The following SEC14L1 variants were observed in gnomAD, a reference collection of about 807,000 sequenced individuals.
SEC14L1 encodes the protein SEC14-like protein 1.
In SEC14L1, 48 loss-of-function variants were observed where a neutral mutation model predicts 85.3. The observed-to-expected ratio is 0.56, with a 90% CI of 0.45 to 0.72. The LOEUF is 0.72. Ranked by LOEUF, SEC14L1 falls within the 30% of genes least tolerant of loss-of-function variation. The pLI is 0.00. For synonymous variants in SEC14L1, 391 were observed against 355.5 expected (o/e 1.10, Z -1.12); for missense variants, 682 against 921.4 (o/e 0.74, Z 3.36).
intron 3 of SEC14L1, among the ~76,000 whole-genome samples, chr17:77,115,048 G>T (rs556485762): frequency 3.3e-5 from 5 of 152,224 alleles, no homozygotes; most frequent in African/African-American, 1.2e-4. Flanking sequence ...CTCTGACCAT[G>T]TACCAGTCAC....
chr17:77,173,897 C>CT (rs1164478049), intron 3 of SEC14L1, among the ~76,000 whole-genome samples: 1 of 150,230 alleles, frequency 6.7e-6, no homozygotes, highest in Non-Finnish European at 1.5e-5. Flanking sequence ...TGCACCCTTT[C>CT]TTTTTTTCTT....
chr17:77,141,701 C>G (rs538204997), intron 1 of SEC14L1: 1 of 152,306 alleles, frequency 6.6e-6, no homozygotes, highest in Admixed American at 6.5e-5. Flanking sequence ...TTCACAAGCT[C>G]GTGAATTAGC....
At chr17:77,195,623 G>T (rs947305994) in intron 7 of SEC14L1, among the ~76,000 whole-genome samples, 3 of 152,120 alleles carry the variant, frequency 2.0e-5, no homozygotes, top group African/African-American at 7.2e-5. Flanking sequence ...GAGTAGCTGG[G>T]ATTATAAGCC....
chr17:77,153,875 G>C (rs1257449853), intron 3 of SEC14L1, among the ~76,000 whole-genome samples: 1 of 152,124 alleles, frequency 6.6e-6, no homozygotes, highest in African/African-American at 2.4e-5. Flanking sequence ...TTTTTGACCT[G>C]TACGCTAGTG....
intron 9 of SEC14L1, among the ~76,000 whole-genome samples, chr17:77,203,052 T>A (rs1447577818): frequency 6.6e-6 from 1 of 152,214 alleles, no homozygotes. Context: ...GGAAGCTGGC[T>A]TTTAAAAAGC....
At chr17:77,159,368 C>G (rs1448527753) in intron 3 of SEC14L1, among the ~76,000 whole-genome samples, 1 of 144,204 alleles carries the variant, frequency 6.9e-6, no homozygotes, top group Non-Finnish European at 1.5e-5. Context: ...CACCCGGCCT[C>G]TTTTCTTCTT....
chr17:77,111,495 C>T (rs1473339259), intron 3 of SEC14L1, among the ~76,000 whole-genome samples: 1 of 151,710 alleles, frequency 6.6e-6, no homozygotes, highest in Admixed American at 6.6e-5. Flanking sequence ...TGCAAGCAGC[C>T]GGCAGCCGGG....
intron 3 of SEC14L1, among the ~76,000 whole-genome samples, chr17:77,175,671 A>G (rs1309231536): frequency 1.3e-5 from 2 of 152,194 alleles, no homozygotes; most frequent in Non-Finnish European, 2.9e-5. Flanking sequence ...AACTCATTCT[A>G]TAAAACAAAG....
intron 3 of SEC14L1, among the ~76,000 whole-genome samples, chr17:77,156,574 T>TAAAAAA (rs574920988): frequency 7.3e-6 from 1 of 136,580 alleles, no homozygotes. Context: ...GACTCCGTCT[T>TAAAAAA]AAAAAAAAAA....
intron 3 of SEC14L1, among the ~76,000 whole-genome samples, chr17:77,099,523 A>C (rs991081822): frequency 6.6e-6 from 1 of 152,228 alleles, no homozygotes; most frequent in Non-Finnish European, 1.5e-5. Context: ...TGGGAGGCCA[A>C]GGCGGGTGGA....
chr17:77,168,004 C>CTG (rs1337371220), intron 3 of SEC14L1, among the ~76,000 whole-genome samples: 1 of 152,232 alleles, frequency 6.6e-6, no homozygotes, highest in African/African-American at 2.4e-5. Flanking sequence ...TGTCCTTCCC[C>CTG]TGTTGGCTAG....
chr17:77,147,052 T>C (rs1230268556), intron 3 of SEC14L1, among the ~76,000 whole-genome samples: 1 of 152,138 alleles, frequency 6.6e-6, no homozygotes, highest in Non-Finnish European at 1.5e-5. Context: ...TGTGAGCACG[T>C]CAGAAAGCGA....
chr17:77,125,902 A>G (rs1972434504), intron 3 of SEC14L1, among the ~76,000 whole-genome samples: 3 of 152,246 alleles, frequency 2.0e-5, no homozygotes, highest in Non-Finnish European at 4.4e-5. Flanking sequence ...CTGTAATCCC[A>G]ACACTTTGGG....
chr17:77,141,873 C>T lies in SEC14L1; in HGVS notation c.-136+766C>T, dbSNP rs1973066797. Among the ~76,000 whole-genome samples the T allele has an allele frequency of 2.6e-5, 4 of 152,220 alleles. No individual in the cohort carries two copies. In the East Asian group the frequency reaches 7.7e-4, roughly 29 times the overall value. On this transcript the variant is annotated intron_variant, in intron 1 of 16. Coordinates refer to ENST00000436233, the MANE Select transcript of SEC14L1 (RefSeq NM_001143998.2). ...GGGAGAGTACCCTAAAATTAATATT[C>T]CCAATTAAATTTTTAAAAGATGATT...
intron 3 of SEC14L1, among the ~76,000 whole-genome samples, chr17:77,181,380 C>T (rs999683046): frequency 2.0e-5 from 3 of 152,206 alleles, no homozygotes; most frequent in African/African-American, 7.2e-5. Context: ...CCTTCTTTCT[C>T]AGTCTTCTTT....
At chr17:77,099,625 C>T (rs893829748) in intron 3 of SEC14L1, among the ~76,000 whole-genome samples, 2 of 152,122 alleles carry the variant, frequency 1.3e-5, no homozygotes, top group South Asian at 2.1e-4. Context: ...GGTGTGGTGG[C>T]ACACTCCTGT....
intron 3 of SEC14L1, among the ~76,000 whole-genome samples, chr17:77,177,574 A>G (rs922740777): frequency 1.3e-5 from 2 of 152,008 alleles, no homozygotes; most frequent in Non-Finnish European, 2.9e-5. Context: ...GGTTAGTTGC[A>G]TGTATGTTAG....
At chr17:77,091,914 C>T (rs141713321) in intron 2 of SEC14L1, among the ~76,000 whole-genome samples, 9,769 of 151,968 alleles carry the variant, frequency 0.064, 474 homozygotes, top group East Asian at 0.27. Context: ...CGGGTTCAAG[C>T]GATTCTTCTG....
chr17:77,178,887 C>T (rs945745027), intron 3 of SEC14L1, among the ~76,000 whole-genome samples: 3 of 152,194 alleles, frequency 2.0e-5, no homozygotes, highest in African/African-American at 7.2e-5. Context: ...AGGTGAAGTT[C>T]AGCATAGGCT....
Sources: gnomAD v4.1 joint callset for allele counts (sites outside exome capture counted in the v4.1 genomes callset) on GRCh38, gnomAD v4.1.1 for gene constraint, MANE v1.5 for transcripts, NCBI Gene and HGNC (gene_info 2026-07-23, HGNC 2026-07-21) for gene names.